SLC24A3: variants seen among roughly 807,000 people sequenced by gnomAD.
The protein encoded by SLC24A3 is solute carrier family 24 member 3.
SLC24A3 carries 28 observed loss-of-function variants against 75.8 expected under a neutral mutation model. That is an observed-to-expected ratio of 0.37 (90% CI 0.27 to 0.51). SLC24A3 has a LOEUF of 0.51. Ranked by LOEUF, SLC24A3 falls within the 20% of genes least tolerant of loss-of-function variation. SLC24A3 has a pLI of 0.94. For synonymous variants in SLC24A3, 372 were observed against 334.1 expected (o/e 1.11, Z -1.24); for missense variants, 663 against 847.8 (o/e 0.78, Z 2.71).
At chr20:19,536,729 A>G (rs1383584701) in intron 3 of SLC24A3, among the ~76,000 whole-genome samples, 1 of 152,204 alleles carries the variant, frequency 6.6e-6, no homozygotes, top group Non-Finnish European at 1.5e-5. Flanking sequence ...CCGCATATCT[A>G]CAACTATCTG....
intron 6 of SLC24A3, among the ~76,000 whole-genome samples, chr20:19,630,019 G>A (rs2031914475): frequency 6.6e-6 from 1 of 152,174 alleles, no homozygotes; most frequent in Non-Finnish European, 1.5e-5. Context: ...GTATTGTGAT[G>A]TTAGTGCAAA....
At chr20:19,239,023 T>C (rs1274003075) in intron 1 of SLC24A3, among the ~76,000 whole-genome samples, 1 of 150,638 alleles carries the variant, frequency 6.6e-6, no homozygotes, top group African/African-American at 2.5e-5. Context: ...ACTCCTAAGG[T>C]TGGGATGCAG....
intron 1 of SLC24A3, among the ~76,000 whole-genome samples, chr20:19,265,474 G>A (rs1295722350): frequency 1.3e-5 from 2 of 152,192 alleles, no homozygotes; most frequent in South Asian, 2.1e-4. Context: ...GGGGAAGAGC[G>A]TTACTGGGGT....
chr20:19,643,296 G>C (rs56097032), intron 6 of SLC24A3, among the ~76,000 whole-genome samples: 2,428 of 152,256 alleles, frequency 0.016, 73 homozygotes, highest in African/African-American at 0.054. Flanking sequence ...ATTAGCTCCT[G>C]ATACTGTGAA....
chr20:19,664,467 T>C (rs1048200098), intron 7 of SLC24A3, among the ~76,000 whole-genome samples: 2 of 152,236 alleles, frequency 1.3e-5, no homozygotes, highest in East Asian at 1.9e-4. Context: ...AAGAATGAGT[T>C]ACAAATGAGC....
At chr20:19,230,018 TA>T (rs921616183) in intron 1 of SLC24A3, among the ~76,000 whole-genome samples, 14 of 151,916 alleles carry the variant, frequency 9.2e-5, no homozygotes, top group South Asian at 2.1e-4. Context: ...ATATTGAGAT[TA>T]AAAAAAATGG....
intron 2 of SLC24A3, among the ~76,000 whole-genome samples, chr20:19,372,239 A>G (rs1986005487): frequency 6.6e-6 from 1 of 152,176 alleles, no homozygotes; most frequent in South Asian, 2.1e-4. Flanking sequence ...CTATATCTGT[A>G]TTTGTTTGGA....
chr20:19,308,207 C>T (rs938444407), intron 2 of SLC24A3, among the ~76,000 whole-genome samples: 32 of 152,130 alleles, frequency 2.1e-4, no homozygotes, highest in African/African-American at 7.5e-4. Flanking sequence ...GGTTTTCTAA[C>T]GGACTCATAA....
At chr20:19,276,944 G>A (rs556672070) in intron 1 of SLC24A3, among the ~76,000 whole-genome samples, 1 of 152,176 alleles carries the variant, frequency 6.6e-6, no homozygotes, top group South Asian at 2.1e-4. Context: ...CTCCGACGCT[G>A]ACAGAAATGT....
chr20:19,699,853 C>A (rs1239632242), intron 15 of SLC24A3, among the ~76,000 whole-genome samples: 1 of 152,206 alleles, frequency 6.6e-6, no homozygotes, highest in African/African-American at 2.4e-5. Flanking sequence ...GTCAAGTAGG[C>A]ACATTCCTGC....
chr20:19,375,999 G>C (rs1048651778), intron 2 of SLC24A3, among the ~76,000 whole-genome samples: 2 of 152,154 alleles, frequency 1.3e-5, no homozygotes, highest in Non-Finnish European at 2.9e-5. Flanking sequence ...CTGAAATAAA[G>C]GGAAGTCGAG....
chr20:19,544,390 C>T (rs896240694), intron 3 of SLC24A3, among the ~76,000 whole-genome samples: 4 of 152,188 alleles, frequency 2.6e-5, no homozygotes, highest in Admixed American at 1.3e-4. Context: ...AGTTCTGAGA[C>T]ATTCCAGCTA....
chr20:19,420,775 A>G (rs1444241708), intron 2 of SLC24A3, among the ~76,000 whole-genome samples: 1 of 71,478 alleles, frequency 1.4e-5, no homozygotes. Flanking sequence ...GAGGCATCAC[A>G]CTACCTGACT....
chr20:19,607,828 C>G (rs1394204687), intron 6 of SLC24A3, among the ~76,000 whole-genome samples: 1 of 152,232 alleles, frequency 6.6e-6, no homozygotes, highest in African/African-American at 2.4e-5. Context: ...CCTGAGCCTC[C>G]ACTCTGACGT....
At chr20:19,714,762 G>A (rs1382133807) in intron 15 of SLC24A3, among the ~76,000 whole-genome samples, 1 of 152,210 alleles carries the variant, frequency 6.6e-6, no homozygotes, top group Non-Finnish European at 1.5e-5. Flanking sequence ...TAGAATTTCA[G>A]CCACACTGTT....
chr20:19,562,320 T>C (rs1341801501), intron 3 of SLC24A3, among the ~76,000 whole-genome samples: 3 of 152,134 alleles, frequency 2.0e-5, no homozygotes, highest in African/African-American at 7.2e-5. Context: ...AGAACATCTT[T>C]CTCTTGAGTT....
chr20:19,366,906 A>G (rs907213403), intron 2 of SLC24A3, among the ~76,000 whole-genome samples: 2 of 152,122 alleles, frequency 1.3e-5, no homozygotes, highest in Admixed American at 1.3e-4. Flanking sequence ...ATGGGTACAC[A>G]TGGAGACAGC....
chr20:19,446,878 C>A (rs6136735), intron 2 of SLC24A3, among the ~76,000 whole-genome samples: 5 of 152,192 alleles, frequency 3.3e-5, no homozygotes, highest in African/African-American at 1.2e-4. Flanking sequence ...CAGCCCATGT[C>A]TGCCACCAGA....
chr20:19,303,915 G>A (rs967809506), intron 2 of SLC24A3, among the ~76,000 whole-genome samples: 3 of 152,144 alleles, frequency 2.0e-5, no homozygotes, highest in Non-Finnish European at 4.4e-5. Flanking sequence ...TGGCTTCTGA[G>A]CAATAGACAG....
Sources: gnomAD v4.1 joint callset for allele counts (sites outside exome capture counted in the v4.1 genomes callset) on GRCh38, gnomAD v4.1.1 for gene constraint, MANE v1.5 for transcripts, NCBI Gene and HGNC (gene_info 2026-07-23, HGNC 2026-07-21) for gene names.